DPYS: variants seen among roughly 807,000 people sequenced by gnomAD.
The protein encoded by DPYS is dihydropyrimidine amidohydrolase.
Under a neutral mutation model 50.3 loss-of-function variants are expected in DPYS, and 39 were observed. The observed-to-expected ratio is 0.78, with a 90% CI of 0.60 to 1.01. DPYS has a LOEUF of 1.01. Ranked by LOEUF, DPYS falls within the 50% of genes least tolerant of loss-of-function variation. DPYS has a pLI of 0.00. For synonymous variants in DPYS, 245 were observed against 250.7 expected, an observed-to-expected ratio of 0.98 and a Z score of 0.22; for missense variants, 659 against 680.9, an observed-to-expected ratio of 0.97 and a Z score of 0.36.
chr8:104,427,266 C>G (rs539873948), intron 6 of DPYS, among the ~76,000 whole-genome samples: 1 of 148,344 alleles, frequency 6.7e-6, no homozygotes, highest in South Asian at 2.1e-4. Context: ...ATGAGCATAA[C>G]GAATACGCTT....
rs2140493146 is a variant in DPYS at position 104,379,676 on chromosome 8, A to G, written c.*182T>C. ...ACCTTCAATCTTATGCAGCAACAAA[A>G]ACACAGTGAGAAAGACAGCAATTGC... On this transcript the variant is annotated 3_prime_UTR_variant, in exon 10 of 10. Transcript: ENST00000351513. 2 of 395,416 alleles carry G rather than the reference A, an allele frequency of 5.1e-6. No individual in the cohort carries two copies. Among genetic ancestry groups the G allele is most frequent in the South Asian group, 3.8e-5 (2 of 52,248 alleles). 24.5% of individuals were successfully genotyped at this position (395,416 alleles called of 1,614,324 possible). A position where few individuals can be genotyped will look rare whatever the true frequency, so the allele number is the denominator to read the frequency against.
At chr8:104,392,732 A>C in intron 8 of DPYS, 52 bp downstream of exon 8, 1 of 1,607,222 alleles carries the variant, frequency 6.2e-7, no homozygotes, top group Non-Finnish European at 8.5e-7. Context: ...CCAGACATCC[A>C]GAAGCAGGAG....
At chr8:104,383,790 C>T (rs761851974) in intron 8 of DPYS, among the ~76,000 whole-genome samples, 19 of 152,170 alleles carry the variant, frequency 1.2e-4, no homozygotes, top group Admixed American at 5.9e-4. Flanking sequence ...TTAGTAGAGA[C>T]GGGATTTCGC....
In DPYS at chr8:104,379,686, G is replaced by A; in HGVS notation, c.*172C>T. On this transcript the variant is annotated 3_prime_UTR_variant, in exon 10 of 10. Transcript: ENST00000351513. ...TTATGCAGCAACAAAAACACAGTGAGAAAGACAGCAATTGCTTCTGAAAGA... is the reference window on the plus strand; with the variant it reads ...TTATGCAGCAACAAAAACACAGTGAAAAAGACAGCAATTGCTTCTGAAAGA... 1 of 414,500 alleles carries A rather than the reference G, an allele frequency of 2.4e-6. No individual in the cohort carries two copies. The highest frequency in any genetic ancestry group is 7.2e-5 in the East Asian group (1 of 13,862). 25.7% of individuals were successfully genotyped at this position (414,500 alleles called of 1,614,324 possible). A position where few individuals can be genotyped will look rare whatever the true frequency, so the allele number is the denominator to read the frequency against.
At chr8:104,432,204 T>C (rs1198373887) in intron 4 of DPYS, among the ~76,000 whole-genome samples, 1 of 152,232 alleles carries the variant, frequency 6.6e-6, no homozygotes, top group African/African-American at 2.4e-5. Context: ...ATTTCTCCAT[T>C]TTTTGGCTCA....
chr8:104,395,246 A>G (rs887950868), intron 7 of DPYS, among the ~76,000 whole-genome samples: 1 of 152,146 alleles, frequency 6.6e-6, no homozygotes, highest in African/African-American at 2.4e-5. Context: ...CAATCCACCC[A>G]CCTTGGCTTT....
intron 7 of DPYS, among the ~76,000 whole-genome samples, chr8:104,396,414 T>A (rs1395943129): frequency 6.6e-6 from 1 of 152,090 alleles, no homozygotes; most frequent in Non-Finnish European, 1.5e-5. Context: ...GGAAAACATC[T>A]AACAGAAGAA....
At chr8:104,421,227 CACAT>C (rs1280723427) in intron 7 of DPYS, 4 of 152,116 alleles carry the variant, frequency 2.6e-5, no homozygotes, top group African/African-American at 9.7e-5. Flanking sequence ...CCAAAAGACA[CACAT>C]ACAAAAATGT....
At chr8:104,416,069 TA>T (rs1357177402) in intron 7 of DPYS, among the ~76,000 whole-genome samples, 1 of 151,964 alleles carries the variant, frequency 6.6e-6, no homozygotes, top group Non-Finnish European at 1.5e-5. Context: ...ATTTTGCAAA[TA>T]AAAAAATTGA....
Position 104,444,389 on chromosome 8 carries a change from C to G in DPYS, c.652G>C (p.Glu218Gln). Residue 218 changes from glutamate (E) to glutamine (Q), a missense_variant, in exon 4 of 10, where the codon GAG (glutamate) becomes CAG (glutamine). Coordinates refer to ENST00000351513, the MANE Select transcript of DPYS (RefSeq NM_001385.3). ...TCCACTGCCTCTGGGCGGCACAGCT[C>G]GTGGCCCTCAGGGCCTGTTATCCCC... ...ALGITGPEGH[E>Q]LCRPEAVEAE... 1 of 1,614,224 alleles carries G rather than the reference C, an allele frequency of 6.2e-7. No homozygotes were observed. The highest frequency in any genetic ancestry group is 8.5e-7 in the Non-Finnish European group (1 of 1,180,032).
At position 104,466,869 on chromosome 8, in the gene DPYS, C is replaced by G. The variant is rs1217474045; in HGVS notation, c.52G>C (p.Asp18His). 6 of 1,521,260 alleles carry G rather than the reference C, an allele frequency of 3.9e-6. No homozygotes were observed. The highest frequency in any genetic ancestry group is 5.3e-6 in the Non-Finnish European group (6 of 1,140,532). The allele number at this position is 1,521,260 out of a possible 1,614,324, so 94.2% of individuals were successfully genotyped here. The change falls in exon 1 of 10, where the codon GAC (aspartate) becomes CAC (histidine). Residue 18 changes from aspartate (D) to histidine (H), a missense_variant. Transcript: ENST00000351513. Reference protein sequence around the residue: ...LIRGGRVVNDDFSEVADVLVE... With the variant: ...LIRGGRVVNDHFSEVADVLVE... ...AGCACGTCGGCCACCTCCGAGAAGT[C>G]ATCGTTGACCACGCGACCCCCGCGG...
chr8:104,444,825 A>G (rs1469560769), intron 3 of DPYS, among the ~76,000 whole-genome samples: 1 of 152,130 alleles, frequency 6.6e-6, no homozygotes, highest in African/African-American at 2.4e-5. Flanking sequence ...TGAAGAAACA[A>G]CCCACAAAAT....
chr8:104,399,915 G>A (rs563559341), intron 7 of DPYS, among the ~76,000 whole-genome samples: 10 of 149,454 alleles, frequency 6.7e-5, no homozygotes, highest in African/African-American at 2.5e-4. Context: ...TCCTGCTTTG[G>A]AGATAATCTG....
intron 4 of DPYS, among the ~76,000 whole-genome samples, chr8:104,433,496 T>C (rs1001626934): frequency 4.6e-5 from 7 of 152,090 alleles, no homozygotes; most frequent in African/African-American, 1.7e-4. Context: ...TATCCAGGTA[T>C]GACAGTGCAC....
chr8:104,393,277 T>G (rs566931355), intron 7 of DPYS, among the ~76,000 whole-genome samples: 1 of 152,330 alleles, frequency 6.6e-6, no homozygotes, highest in South Asian at 2.1e-4. Flanking sequence ...GATTTTAAAA[T>G]TATTTTTATT....
chr8:104,403,450 T>C (rs963905451), intron 7 of DPYS, among the ~76,000 whole-genome samples: 2 of 151,932 alleles, frequency 1.3e-5, no homozygotes, highest in Non-Finnish European at 2.9e-5. Flanking sequence ...TGCCACCATC[T>C]TGGAAGCAGC....
intron 1 of DPYS, among the ~76,000 whole-genome samples, chr8:104,456,164 C>A (rs1415334815): frequency 6.6e-6 from 1 of 152,146 alleles, no homozygotes; most frequent in African/African-American, 2.4e-5. Flanking sequence ...TAGCATATAG[C>A]CTAGGCGTGT....
chr8:104,395,679 T>A (rs1811558449), intron 7 of DPYS, among the ~76,000 whole-genome samples: 1 of 152,216 alleles, frequency 6.6e-6, no homozygotes, highest in East Asian at 1.9e-4. Context: ...CATACCGCAG[T>A]GCTATACATT....
At chr8:104,387,985 C>T (rs1371693544) in intron 8 of DPYS, among the ~76,000 whole-genome samples, 5 of 152,174 alleles carry the variant, frequency 3.3e-5, no homozygotes, top group Admixed American at 2.0e-4. Flanking sequence ...GGCACAGATG[C>T]GTACATATGT....
Sources: gnomAD v4.1 joint callset for allele counts (sites outside exome capture counted in the v4.1 genomes callset) on GRCh38, gnomAD v4.1.1 for gene constraint, MANE v1.5 for transcripts, NCBI Gene and HGNC (gene_info 2026-07-23, HGNC 2026-07-21) for gene names.